The following DNAJC1 variants were observed in gnomAD, a reference collection of about 807,000 sequenced individuals.
The protein encoded by DNAJC1 is dnaJ homolog subfamily C member 1.
Under a neutral mutation model 76.6 loss-of-function variants are expected in DNAJC1, and 58 were observed. The ratio of observed to expected loss-of-function variants is 0.76; its 90% CI spans 0.61 to 0.94. The LOEUF (loss-of-function observed/expected upper bound fraction) is 0.94, where lower values mean the gene tolerates loss of function less well. Ranked by LOEUF, DNAJC1 falls within the 40% of genes least tolerant of loss-of-function variation. The pLI, the probability that DNAJC1 is intolerant of heterozygous loss-of-function variation, is 0.00. For synonymous variants in DNAJC1, 258 were observed against 267.9 expected, an observed-to-expected ratio of 0.96 and a Z score of 0.36; for missense variants, 689 against 677.3, an observed-to-expected ratio of 1.02 and a Z score of -0.19.
At chr10:21,889,280 G>T (rs1836421615) in intron 7 of DNAJC1, among the ~76,000 whole-genome samples, 1 of 152,070 alleles carries the variant, frequency 6.6e-6, no homozygotes, top group Admixed American at 6.5e-5. Context: ...CTCAAGAAGA[G>T]CACGAAGGGG....
intron 9 of DNAJC1, chr10:21,803,679 T>C (rs1039562634): frequency 1.5e-5 from 4 of 267,694 alleles, no homozygotes; most frequent in Admixed American, 6.6e-5. Context: ...AGGAGAGTTA[T>C]TGAAATGAAT....
intron 1 of DNAJC1, among the ~76,000 whole-genome samples, chr10:21,942,418 G>A (rs987905025): frequency 2.0e-5 from 3 of 151,978 alleles, no homozygotes; most frequent in Non-Finnish European, 4.4e-5. Flanking sequence ...GACATAGTAA[G>A]TAAACAAAAA....
At chr10:21,807,756 C>T (rs888158904) in intron 8 of DNAJC1, among the ~76,000 whole-genome samples, 3 of 152,140 alleles carry the variant, frequency 2.0e-5, no homozygotes, top group Admixed American at 2.0e-4. Flanking sequence ...ACAATACATG[C>T]ATAAATTCAC....
At chr10:21,841,211 A>T (rs943109178) in intron 8 of DNAJC1, among the ~76,000 whole-genome samples, 6 of 152,244 alleles carry the variant, frequency 3.9e-5, no homozygotes, top group Non-Finnish European at 8.8e-5. Flanking sequence ...TTCATGTCTA[A>T]AACAACCAAA....
intron 8 of DNAJC1, among the ~76,000 whole-genome samples, chr10:21,827,655 A>G (rs1444140575): frequency 6.6e-6 from 1 of 151,912 alleles, no homozygotes; most frequent in Non-Finnish European, 1.5e-5. Flanking sequence ...CTTCTGTGTG[A>G]CTTCTCTTTT....
intron 1 of DNAJC1, among the ~76,000 whole-genome samples, chr10:21,978,634 A>C (rs1210203776): frequency 2.0e-5 from 3 of 152,172 alleles, no homozygotes; most frequent in Non-Finnish European, 2.9e-5. Context: ...AAGATTCCAC[A>C]AAACCTGGCA....
chr10:21,821,845 A>G (rs1835164401), intron 8 of DNAJC1, among the ~76,000 whole-genome samples: 1 of 148,938 alleles, frequency 6.7e-6, no homozygotes, highest in Non-Finnish European at 1.5e-5. Context: ...CTATTCAGGA[A>G]AAAAAAAAAA....
intron 7 of DNAJC1, among the ~76,000 whole-genome samples, chr10:21,886,964 A>G (rs1369122093): frequency 4.1e-4 from 63 of 152,122 alleles, no homozygotes; most frequent in Admixed American, 4.1e-3. Flanking sequence ...CCTGTTTGCA[A>G]TTGACATGAT....
intron 8 of DNAJC1, among the ~76,000 whole-genome samples, chr10:21,834,181 G>A (rs1308101758): frequency 3.3e-5 from 5 of 152,054 alleles, no homozygotes; most frequent in Non-Finnish European, 2.9e-5. Flanking sequence ...GGACAATGGC[G>A]TCAACCTGGG....
At chr10:21,932,623 G>C (rs1339104621) in intron 1 of DNAJC1, among the ~76,000 whole-genome samples, 1 of 152,194 alleles carries the variant, frequency 6.6e-6, no homozygotes, top group Non-Finnish European at 1.5e-5. Context: ...CCTGGTGCCA[G>C]AGAGATCAGA....
chr10:21,944,959 A>C (rs1457269224), intron 1 of DNAJC1, among the ~76,000 whole-genome samples: 2 of 152,198 alleles, frequency 1.3e-5, no homozygotes, highest in African/African-American at 4.8e-5. Flanking sequence ...GAACTTGCCA[A>C]GTAGGAGGTG....
intron 11 of DNAJC1, among the ~76,000 whole-genome samples, chr10:21,758,883 C>T (rs1341024632): frequency 2.0e-5 from 3 of 152,092 alleles, no homozygotes; most frequent in Non-Finnish European, 4.4e-5. Flanking sequence ...CCGGAGTGGG[C>T]GAGTTCTCAA....
intron 3 of DNAJC1, among the ~76,000 whole-genome samples, chr10:21,921,681 G>A (rs1234636272): frequency 6.6e-6 from 1 of 151,958 alleles, no homozygotes; most frequent in Non-Finnish European, 1.5e-5. Flanking sequence ...TGGAAGAGAA[G>A]AACATTAACA....
chr10:21,957,178 C>A (rs1485072751), intron 1 of DNAJC1, among the ~76,000 whole-genome samples: 1 of 152,140 alleles, frequency 6.6e-6, no homozygotes. Context: ...GTGTGAGCCA[C>A]TGCGCCTGAC....
intron 9 of DNAJC1, among the ~76,000 whole-genome samples, chr10:21,800,209 T>C (rs1834798480): frequency 6.6e-6 from 1 of 152,174 alleles, no homozygotes; most frequent in Non-Finnish European, 1.5e-5. Flanking sequence ...TGTTTTCTTT[T>C]GCAAGTAACA....
chr10:21,979,473 T>G (rs1838117491), intron 1 of DNAJC1, among the ~76,000 whole-genome samples: 1 of 152,090 alleles, frequency 6.6e-6, no homozygotes, highest in African/African-American at 2.4e-5. Flanking sequence ...TTTTAAAGTA[T>G]TATTATTTTC....
chr10:21,838,778 C>T (rs1489143704), intron 8 of DNAJC1, among the ~76,000 whole-genome samples: 2 of 152,174 alleles, frequency 1.3e-5, no homozygotes, highest in Non-Finnish European at 2.9e-5. Flanking sequence ...ACTCTCCACC[C>T]CAAATCAACA....
intron 1 of DNAJC1, among the ~76,000 whole-genome samples, chr10:21,972,665 T>A (rs1838000114): frequency 6.6e-6 from 1 of 152,038 alleles, no homozygotes; most frequent in Non-Finnish European, 1.5e-5. Context: ...TTCCTATTTG[T>A]CCAGTATAAA....
intron 1 of DNAJC1, among the ~76,000 whole-genome samples, chr10:21,944,608 C>T (rs751235810): frequency 1.3e-5 from 2 of 152,036 alleles, no homozygotes; most frequent in African/African-American, 2.4e-5. Context: ...AGGATAATCA[C>T]AGGGGAGAGA....
Sources: gnomAD v4.1 joint callset for allele counts (sites outside exome capture counted in the v4.1 genomes callset) on GRCh38, gnomAD v4.1.1 for gene constraint, MANE v1.5 for transcripts, NCBI Gene and HGNC (gene_info 2026-07-23, HGNC 2026-07-21) for gene names.